Variants in MYH9 observed in about 807,000 individuals in gnomAD.
MYH9 encodes the protein myosin heavy chain 9.
In MYH9, 29 loss-of-function variants were observed where a neutral mutation model predicts 241.9. That is an observed-to-expected ratio of 0.12 (90% CI 0.09 to 0.16). The LOEUF (loss-of-function observed/expected upper bound fraction) is 0.16. Ranked by LOEUF, MYH9 falls within the 10% of genes least tolerant of loss-of-function variation. The pLI is 1.00. For missense variants in MYH9, 1,803 were observed against 2,595.5 expected, an observed-to-expected ratio of 0.69 and a Z score of 6.63; for synonymous variants, 1,047 against 1,062.6, an observed-to-expected ratio of 0.99 and a Z score of 0.29.
chr22:36,368,047 G>T (rs1400582096), intron 1 of MYH9, among the ~76,000 whole-genome samples: 1 of 152,202 alleles, frequency 6.6e-6, no homozygotes, highest in Admixed American at 6.5e-5. Flanking sequence ...CCCAGAGGAT[G>T]CTGGGATATG....
Position 36,288,214 on chromosome 22 carries a change from G to T in MYH9, c.4932+38C>A. 6.2e-7 allele frequency: 1 copy of T among 1,611,410 alleles called. No individual in the cohort carries two copies. On this transcript the variant is annotated intron_variant, in intron 34 of 40. Coordinates refer to ENST00000216181, the MANE Select transcript of MYH9 (RefSeq NM_002473.6). This position sits in a 1 kb window ranked among gnomAD's most constrained non-coding sequence, Gnocchi z 4.8. ...CTTCATATGTAGTTGGCTCAGTCGG[G>T]TGCCGCCCACCCTCACCTGGGCCCC...
At chr22:36,353,106 T>C (rs968968083) in intron 1 of MYH9, among the ~76,000 whole-genome samples, 40 of 71,456 alleles carry the variant, frequency 5.6e-4, no homozygotes, top group African/African-American at 1.4e-3. Flanking sequence ...TGGGGGCGTG[T>C]GTGTGTGTGT....
chr22:36,345,050 C>T (rs753250704), intron 2 of MYH9, among the ~76,000 whole-genome samples: 3 of 152,116 alleles, frequency 2.0e-5, no homozygotes, highest in Non-Finnish European at 2.9e-5. Context: ...TGGTGGCTCA[C>T]GCCTGTAATC....
At chr22:36,327,563 C>T (rs769535497) in intron 3 of MYH9, 75 bp from the exon 4 acceptor site, 22 of 1,552,908 alleles carry the variant, frequency 1.4e-5, no homozygotes, top group Non-Finnish European at 1.9e-5. Flanking sequence ...AAGAGCTGCC[C>T]GTTTCCCAGA....
intron 5 of MYH9, among the ~76,000 whole-genome samples, chr22:36,326,322 C>A (rs1199576126): frequency 6.6e-6 from 1 of 152,242 alleles, no homozygotes; most frequent in Non-Finnish European, 1.5e-5. Context: ...CATGCAAACT[C>A]CAGGACCTCG....
At chr22:36,315,228 A>C (rs1391016289) in intron 12 of MYH9, among the ~76,000 whole-genome samples, 1 of 152,228 alleles carries the variant, frequency 6.6e-6, no homozygotes, top group Non-Finnish European at 1.5e-5. Context: ...GTGACAGATC[A>C]CAAGTACTGC....
intron 1 of MYH9, among the ~76,000 whole-genome samples, chr22:36,366,279 AC>A (rs879875849): frequency 2.6e-5 from 4 of 152,064 alleles, no homozygotes; most frequent in Non-Finnish European, 4.4e-5. Flanking sequence ...GAAAAACACC[AC>A]CGTGACTTAT....
intron 1 of MYH9, among the ~76,000 whole-genome samples, chr22:36,357,154 G>A (rs2017869107): frequency 6.6e-6 from 1 of 152,228 alleles, no homozygotes; most frequent in Admixed American, 6.5e-5. Flanking sequence ...CGAAGAAGAG[G>A]AGAGGAACAT....
chr22:36,356,601 A>AC (rs1163332760), intron 1 of MYH9, among the ~76,000 whole-genome samples: 4 of 151,544 alleles, frequency 2.6e-5, no homozygotes, highest in Non-Finnish European at 5.9e-5. Context: ...AAAAAAAAAA[A>AC]AAAAAAGATT....
rs764450747 is a variant in MYH9, at chr22:36,301,548, T to C, written c.2617A>G (p.Thr873Ala). The C allele has an allele frequency of 6.2e-7, 1 of 1,613,672 alleles. No homozygotes were observed. Among genetic ancestry groups the C allele is most frequent in the Admixed American group, 1.7e-5 (1 of 60,028 alleles). The part of the protein sequence containing the change: ...AAENRLTEME[T>A]LQSQLMAEKL... ...CTGACACCCACCTGAGACTGCAGCGTCTCCATCTCCGTGAGCCTGTTCTCC... is the reference window on the plus strand; with the variant it reads ...CTGACACCCACCTGAGACTGCAGCGCCTCCATCTCCGTGAGCCTGTTCTCC... The change falls in exon 21 of 41, where the codon ACG becomes GCG. Residue 873 changes from threonine (T) to alanine (A), a missense_variant. By Grantham distance (58) the Thr-to-Ala change is moderately conservative. This residue lies in a region of MYH9 where 290 missense variants were observed against 360.5 expected (regional missense o/e 0.80). Coordinates refer to ENST00000216181, the MANE Select transcript of MYH9 (RefSeq NM_002473.6).
Position 36,302,680 on chromosome 22 carries a change from T to C in MYH9, c.2391-4A>G. On this transcript the variant is annotated splice_region_variant and splice_polypyrimidine_tract_variant and intron_variant, in intron 19 of 40. Coordinates refer to ENST00000216181, the MANE Select transcript of MYH9 (RefSeq NM_002473.6). ...CTGCTGCCGCTTGGCAAATGCTCTGTGTGGTGAGGAACATGGTCAGCGCGG... is the reference window on the plus strand; with the variant it reads ...CTGCTGCCGCTTGGCAAATGCTCTGCGTGGTGAGGAACATGGTCAGCGCGG... 1.9e-6 allele frequency: 3 copies of C among 1,612,660 alleles called. No homozygotes were observed. Among genetic ancestry groups the C allele is most frequent in the Non-Finnish European group, 2.5e-6 (3 of 1,179,284 alleles).
At chr22:36,289,409 A>G in intron 31 of MYH9, 112 bp from the exon 32 acceptor site, 2 of 991,354 alleles carry the variant, frequency 2.0e-6, no homozygotes, top group South Asian at 2.9e-5. Context: ...GGTGGAGAGG[A>G]GCAGGCCTAG....
chr22:36,320,185 C>A lies in MYH9; in HGVS notation c.1012+35G>T, dbSNP rs2017227805. On this transcript the variant is annotated intron_variant, in intron 9 of 40. Transcript: ENST00000216181. This position sits in a 1 kb window ranked among gnomAD's most constrained non-coding sequence, Gnocchi z 4.8. Reference sequence around the variant, plus strand: ...GGCCGTGGGTACCAGCCTTCCTCTGCCCCACACTCGACCATAGGAGGGCCA... The same window carrying A: ...GGCCGTGGGTACCAGCCTTCCTCTGACCCACACTCGACCATAGGAGGGCCA... 6.2e-7 allele frequency: 1 copy of A among 1,613,720 alleles called. No homozygotes were observed. The highest frequency in any genetic ancestry group is 8.5e-7 in the Non-Finnish European group (1 of 1,179,972).
intron 1 of MYH9, among the ~76,000 whole-genome samples, chr22:36,365,996 T>C (rs2018004675): frequency 6.6e-6 from 1 of 152,056 alleles, no homozygotes; most frequent in Admixed American, 6.5e-5. Context: ...CAAGACAGCC[T>C]GGCCAACATG....
chr22:36,347,560 C>G (rs1424590109), intron 2 of MYH9, among the ~76,000 whole-genome samples: 2 of 151,658 alleles, frequency 1.3e-5, no homozygotes, highest in African/African-American at 4.9e-5. Flanking sequence ...ATAATGAGAC[C>G]CTGTCTCTAA....
intron 31 of MYH9, 89 bp downstream of exon 31, chr22:36,291,897 G>A (rs2016710491): frequency 6.3e-7 from 1 of 1,598,818 alleles, no homozygotes; most frequent in Non-Finnish European, 8.5e-7. Flanking sequence ...GACCCTGAGG[G>A]AGCCCAGGCT....
In MYH9 at chr22:36,305,474, C is replaced by T. The variant is rs2146347749; in HGVS notation, c.2160-372G>A. Among the ~76,000 whole-genome samples, 1 of 152,258 alleles carries T rather than the reference C, an allele frequency of 6.6e-6. No individual in the cohort carries two copies. The highest frequency in any genetic ancestry group is 1.5e-5 in the Non-Finnish European group (1 of 68,024). On this transcript the variant is annotated intron_variant, in intron 17 of 40. Transcript: ENST00000216181. This position sits in a 1 kb window ranked among gnomAD's most constrained non-coding sequence, Gnocchi z 4.7. ...GGAGCTGCTAATAAACAGAGATGGCCCAAGAAATAAAGGGCTGCGTCCCGA... is the reference window on the plus strand; with the variant it reads ...GGAGCTGCTAATAAACAGAGATGGCTCAAGAAATAAAGGGCTGCGTCCCGA...
chr22:36,324,032 C>T (rs2017297189), intron 5 of MYH9, among the ~76,000 whole-genome samples: 1 of 152,248 alleles, frequency 6.6e-6, no homozygotes, highest in African/African-American at 2.4e-5. Context: ...CCGTTCCTCT[C>T]AGAGCACAGG....
At position 36,285,342 on chromosome 22, in the gene MYH9, G is replaced by A. The variant is rs771873997; in HGVS notation, c.5275-13C>T. On this transcript the variant is annotated splice_polypyrimidine_tract_variant and intron_variant, in intron 37 of 40. Coordinates refer to ENST00000216181, the MANE Select transcript of MYH9 (RefSeq NM_002473.6). This position sits in a 1 kb window ranked among gnomAD's most constrained non-coding sequence, Gnocchi z 7.0. ...TGATCTGGTCGATCTGCAGAAGAAG[G>A]GCCAGTGACCTTGGGGAGGGCTGGG... 6 of 1,605,548 alleles carry A rather than the reference G, an allele frequency of 3.7e-6. No homozygotes were observed. Among genetic ancestry groups the A allele is most frequent in the Non-Finnish European group, 4.2e-6 (5 of 1,179,876 alleles).
Sources: gnomAD v4.1 joint callset for allele counts (sites outside exome capture counted in the v4.1 genomes callset) on GRCh38, gnomAD v4.1.1 for gene constraint, gnomAD v4.1.1 regional missense constraint, Gnocchi (gnomAD v3.1) non-coding constraint, MANE v1.5 for transcripts, NCBI Gene and HGNC (gene_info 2026-07-23, HGNC 2026-07-21) for gene names.